Variants in PITHD1 observed in about 807,000 individuals in gnomAD.
PITHD1 encodes the protein PITH domain containing 1.
Under a neutral mutation model 27.5 loss-of-function variants are expected in PITHD1, and 8 were observed. The ratio of observed to expected loss-of-function variants is 0.29; its 90% CI spans 0.17 to 0.52. The LOEUF (loss-of-function observed/expected upper bound fraction) is 0.52, where lower values mean the gene tolerates loss of function less well. PITHD1 is among the 20% of genes least tolerant of loss of function. The pLI is 0.96. For synonymous variants in PITHD1, 118 were observed against 106.8 expected (o/e 1.10, Z -0.64); for missense variants, 233 against 283.9 (o/e 0.82, Z 1.29).
At chr1:23,779,344 A>C in intron 1 of PITHD1, 94 bp from the exon 2 acceptor site, 1 of 912,690 alleles carries the variant, frequency 1.1e-6, no homozygotes, top group South Asian at 1.4e-5. Flanking sequence ...TTCCCATTGC[A>C]CCCCAGTTGT....
intron 3 of PITHD1, among the ~76,000 whole-genome samples, chr1:23,782,394 G>T (rs574095085): frequency 1.1e-4 from 16 of 150,696 alleles, no homozygotes; most frequent in African/African-American, 3.7e-4. Context: ...ACTCCAACAT[G>T]TGTGACAGTG....
At chr1:23,781,789 T>C (rs1369808108) in intron 3 of PITHD1, among the ~76,000 whole-genome samples, 3 of 152,164 alleles carry the variant, frequency 2.0e-5, no homozygotes, top group Non-Finnish European at 4.4e-5. Context: ...ATATCTAACA[T>C]GGGAATGGTA....
At chr1:23,786,061 G>T (rs191353131) in intron 4 of PITHD1, among the ~76,000 whole-genome samples, 2 of 152,310 alleles carry the variant, frequency 1.3e-5, no homozygotes, top group Admixed American at 6.5e-5. Context: ...TCCCTGCTGG[G>T]TTATGCAGCA....
At chr1:23,783,922 A>G (rs1638646274) in intron 3 of PITHD1, among the ~76,000 whole-genome samples, 1 of 152,182 alleles carries the variant, frequency 6.6e-6, no homozygotes, top group South Asian at 2.1e-4. Context: ...GTAAGTTTGA[A>G]CTTTTCCATA....
At chr1:23,780,086 T>C (rs1472552186) in intron 3 of PITHD1, 145 bp downstream of exon 3, 14 of 615,424 alleles carry the variant, frequency 2.3e-5, no homozygotes, top group Non-Finnish European at 3.7e-5. Context: ...CATTCTGCAT[T>C]GGAATACATA....
chr1:23,780,074 C>T, intron 3 of PITHD1, 133 bp downstream of exon 3: 1 of 643,806 alleles, frequency 1.6e-6, no homozygotes, highest in South Asian at 1.8e-5. Flanking sequence ...TGGTCCTGTT[C>T]TCATTCTGCA....
rs549344099 is a variant in PITHD1 at position 23,788,156 on chromosome 1, G to A, written c.*780G>A. 1 of 152,194 alleles carries A rather than the reference G, an allele frequency of 6.6e-6. No homozygotes were observed. The highest frequency in any genetic ancestry group is 2.4e-5 in the African/African-American group (1 of 41,450). The allele number at this position is 152,194 out of a possible 1,614,324, so 9.4% of individuals were successfully genotyped here. On this transcript the variant is annotated 3_prime_UTR_variant, in exon 6 of 6. Transcript: ENST00000246151. ...GTTGTAAGTCCGATGCCAGAATTTG[G>A]AGATTTGAGTTCTTCTTTTCATGGC...
intron 5 of PITHD1, 22 bp downstream of exon 5, chr1:23,786,445 T>G: frequency 8.3e-7 from 1 of 1,209,500 alleles, no homozygotes; most frequent in Non-Finnish European, 1.2e-6. Context: ...TTGGAAAGGT[T>G]TTCCCCTCAT....
chr1:23,784,173 C>CTAT (rs1040023138), intron 3 of PITHD1, among the ~76,000 whole-genome samples: 3 of 147,316 alleles, frequency 2.0e-5, no homozygotes, highest in Non-Finnish European at 4.5e-5. Flanking sequence ...TAAATGTTTA[C>CTAT]TATTATTATT....
At chr1:23,781,381 T>G (rs1638599286) in intron 3 of PITHD1, among the ~76,000 whole-genome samples, 2 of 151,072 alleles carry the variant, frequency 1.3e-5, no homozygotes, top group Admixed American at 1.3e-4. Flanking sequence ...GAGAATCACT[T>G]GAACCGCGGA....
rs897708879 is a variant in PITHD1, at chr1:23,778,424, C to G, written c.-92C>G. 3 of 763,866 alleles carry G rather than the reference C, an allele frequency of 3.9e-6. No homozygotes were observed. The highest frequency in any genetic ancestry group is 1.1e-4 in the South Asian group (2 of 17,768). 47.3% of individuals were successfully genotyped at this position (763,866 alleles called of 1,614,324 possible). ...CGGCAGGCGCGGCGCGCTTAGTTGCCGGAGCTGAACGGCGCGGAGCTGGTC... is the reference window on the plus strand; with the variant it reads ...CGGCAGGCGCGGCGCGCTTAGTTGCGGGAGCTGAACGGCGCGGAGCTGGTC... On this transcript the variant is annotated 5_prime_UTR_variant, in exon 1 of 6. Coordinates refer to ENST00000246151, the MANE Select transcript of PITHD1 (RefSeq NM_020362.5).
rs2148398709 is a variant in PITHD1 at position 23,779,358 on chromosome 1, G to A, written c.199-80G>A. On this transcript the variant is annotated intron_variant, in intron 1 of 5. Transcript: ENST00000246151. ...CTTCCCATTGCACCCCAGTTGTAGA[G>A]CAGGGTGGGAGATGCCTGAAATTGT... 2.8e-6 allele frequency: 3 copies of A among 1,060,046 alleles called. 1 individual carries two copies. Among genetic ancestry groups the A allele is most frequent in the Middle Eastern group, 2.0e-4 (1 of 5,014 alleles). The allele number at this position is 1,060,046 out of a possible 1,614,324, so 65.7% of individuals were successfully genotyped here. A position where few individuals can be genotyped will look rare whatever the true frequency, so the allele number is the denominator to read the frequency against.
chr1:23,780,372 G>A (rs1322068322), intron 3 of PITHD1, among the ~76,000 whole-genome samples: 1 of 152,100 alleles, frequency 6.6e-6, no homozygotes, highest in Non-Finnish European at 1.5e-5. Flanking sequence ...CTGACTTTGC[G>A]TGGCATTTAG....
At chr1:23,786,216 G>A (rs1638679839) in intron 4 of PITHD1, 99 bp from the exon 5 acceptor site, 3 of 571,152 alleles carry the variant, frequency 5.3e-6, no homozygotes, top group Non-Finnish European at 9.6e-6. Flanking sequence ...ACTTTGCCTG[G>A]CTTTTACAAG....
chr1:23,786,718 T>C (rs1638690479), intron 5 of PITHD1, among the ~76,000 whole-genome samples: 1 of 151,444 alleles, frequency 6.6e-6, no homozygotes, highest in African/African-American at 2.4e-5. Context: ...GCCCCCCAAG[T>C]AGCTGGGATT....
At position 23,787,353 on chromosome 1, in the gene PITHD1, C is replaced by T; in HGVS notation, c.613C>T (p.Pro205Ser). 6.2e-7 allele frequency: 1 copy of T among 1,607,236 alleles called. No individual in the cohort carries two copies. The highest frequency in any genetic ancestry group is 1.1e-5 in the South Asian group (1 of 90,736). ...AGACCATAGGGTCCATCAGGTTACCCCACAGACACACTTTATTTCCTAAGG... is the reference window on the plus strand; with the variant it reads ...AGACCATAGGGTCCATCAGGTTACCTCACAGACACACTTTATTTCCTAAGG... ...PADHRVHQVT[P>S]QTHFIS is the part of the protein sequence containing the mutation. Residue 205 changes from proline (P) to serine (S), a missense_variant, in exon 6 of 6, where the codon CCA becomes TCA. Pro to Ser is a moderately conservative substitution (Grantham distance 74, BLOSUM62 -1). Coordinates refer to ENST00000246151, the MANE Select transcript of PITHD1 (RefSeq NM_020362.5).
chr1:23,779,688 T>A (rs1487986961), intron 2 of PITHD1, 176 bp from the exon 3 acceptor site: 5 of 653,218 alleles, frequency 7.7e-6, no homozygotes, highest in African/African-American at 3.6e-5. Flanking sequence ...GAAATTGAGG[T>A]AGATTTCTTA....
intron 3 of PITHD1, among the ~76,000 whole-genome samples, chr1:23,783,365 A>G (rs1471653393): frequency 7.2e-6 from 1 of 139,450 alleles, no homozygotes; most frequent in East Asian, 2.0e-4. Flanking sequence ...ACGCATATAT[A>G]TATACACATA....
At chr1:23,784,151 T>TTATGCCGC (rs1179609269) in intron 3 of PITHD1, among the ~76,000 whole-genome samples, 1 of 152,120 alleles carries the variant, frequency 6.6e-6, no homozygotes, top group African/African-American at 2.4e-5. Context: ...CTGCTTCTCA[T>TTATGCCGC]TATGCCGCTC....
Sources: gnomAD v4.1 joint callset for allele counts (sites outside exome capture counted in the v4.1 genomes callset) on GRCh38, gnomAD v4.1.1 for gene constraint, MANE v1.5 for transcripts, NCBI Gene and HGNC (gene_info 2026-07-23, HGNC 2026-07-21) for gene names.